The following FAM171A1 variants were observed in gnomAD, a reference collection of about 807,000 sequenced individuals.
FAM171A1 encodes protein FAM171A1.
A neutral mutation model predicts 74.9 loss-of-function variants in FAM171A1; 23 were observed. The observed-to-expected ratio is 0.31, with a 90% CI of 0.22 to 0.44. The LOEUF is 0.44. Among genes scored for constraint, FAM171A1 ranks in the 20% least tolerant of loss-of-function variants. FAM171A1 has a pLI of 1.00. For synonymous variants in FAM171A1, 527 were observed against 505.7 expected (o/e 1.04, Z -0.57); for missense variants, 1,162 against 1,159.2 (o/e 1.00, Z -0.03).
At chr10:15,351,200 G>C (rs762639951) in intron 1 of FAM171A1, among the ~76,000 whole-genome samples, 2 of 152,190 alleles carry the variant, frequency 1.3e-5, no homozygotes, top group Non-Finnish European at 2.9e-5. Flanking sequence ...GACTGTCTGT[G>C]CTCAGTTCAT....
Position 15,312,673 on chromosome 10 carries a change from G to GTTTTTTTTTTTT in FAM171A1, c.98-28580_98-28569dup, listed in dbSNP as rs1169098742. On this transcript the variant is annotated intron_variant, in intron 1 of 7. Coordinates refer to ENST00000378116, the MANE Select transcript of FAM171A1 (RefSeq NM_001010924.2). ...TACTGGAATGAGTTCAGCACTGTGT[G>GTTTTTTTTTTTT]TTTTTTTTTTTTTTTTTTTTTTTTT... Among the ~76,000 whole-genome samples the GTTTTTTTTTTTT allele has an allele frequency of 4.7e-4, 17 of 36,402 alleles. 3 individuals are homozygous for GTTTTTTTTTTTT. The highest frequency in any genetic ancestry group is 1.1e-3 in the East Asian group (1 of 946). The allele number at this position is 36,402 out of a possible 152,430, so 23.9% of individuals were successfully genotyped here. A position where few individuals can be genotyped will look rare whatever the true frequency, so the allele number is the denominator to read the frequency against.
At chr10:15,308,054 C>A (rs1393072294) in intron 1 of FAM171A1, among the ~76,000 whole-genome samples, 3 of 152,018 alleles carry the variant, frequency 2.0e-5, no homozygotes, top group Non-Finnish European at 4.4e-5. Flanking sequence ...TCAAGTAATC[C>A]ACCTCGGCCT....
At chr10:15,256,702 G>A (rs764354976) in intron 3 of FAM171A1, among the ~76,000 whole-genome samples, 30 of 152,168 alleles carry the variant, frequency 2.0e-4, no homozygotes, top group Non-Finnish European at 3.8e-4. Context: ...ATTTTCCCTC[G>A]ATGTTACAGA....
intron 5 of FAM171A1, among the ~76,000 whole-genome samples, chr10:15,245,230 T>C (rs1255524817): frequency 1.3e-5 from 2 of 152,142 alleles, no homozygotes; most frequent in Non-Finnish European, 2.9e-5. Flanking sequence ...CACGCCCAGC[T>C]AATTTTTTGT....
rs144862753 is a variant in FAM171A1, at chr10:15,234,614, C to T, written c.755-13554G>A. Among the ~76,000 whole-genome samples, 784 of 151,934 alleles carry T rather than the reference C, an allele frequency of 5.2e-3. 10 individuals carry two copies. The highest frequency in any genetic ancestry group is 0.018 in the African/African-American group (743 of 41,430). The stretch of plus-strand genomic sequence containing the variant: ...GGGAGGGGAAAAGTAGCCTAGCGAC[C>T]AGTCTGATTGGCTGCAGGAGGGGAC... On this transcript the variant is annotated intron_variant, in intron 5 of 7. Transcript: ENST00000378116.
At chr10:15,278,660 C>G (rs570239652) in intron 2 of FAM171A1, among the ~76,000 whole-genome samples, 1 of 152,104 alleles carries the variant, frequency 6.6e-6, no homozygotes, top group Non-Finnish European at 1.5e-5. Flanking sequence ...CAAAAAGCCA[C>G]GTATTCCAAG....
chr10:15,293,211 G>C (rs536123805), intron 1 of FAM171A1, among the ~76,000 whole-genome samples: 2 of 152,222 alleles, frequency 1.3e-5, no homozygotes, highest in South Asian at 4.2e-4. Context: ...TCTCTAAAAC[G>C]AGTAGGCATT....
At chr10:15,331,283 C>T (rs1263566517) in intron 1 of FAM171A1, among the ~76,000 whole-genome samples, 2 of 152,194 alleles carry the variant, frequency 1.3e-5, no homozygotes, top group African/African-American at 2.4e-5. Context: ...CAACTGCAAA[C>T]GAAGAAGCTG....
intron 1 of FAM171A1, among the ~76,000 whole-genome samples, chr10:15,330,190 A>G (rs1457704166): frequency 6.6e-6 from 1 of 152,022 alleles, no homozygotes; most frequent in Non-Finnish European, 1.5e-5. Context: ...AAAAATACAA[A>G]AATTAGCCTG....
intron 1 of FAM171A1, among the ~76,000 whole-genome samples, chr10:15,327,641 ACT>A (rs1018953228): frequency 1.2e-4 from 18 of 151,396 alleles, no homozygotes; most frequent in African/African-American, 4.4e-4. Context: ...ACAAAACAAG[ACT>A]CTGTCTCTAA....
chr10:15,304,382 A>T (rs1208168950), intron 1 of FAM171A1, among the ~76,000 whole-genome samples: 2 of 152,042 alleles, frequency 1.3e-5, no homozygotes, highest in African/African-American at 4.8e-5. Context: ...GTCAATCCAG[A>T]GCCCACTCCC....
intron 4 of FAM171A1, among the ~76,000 whole-genome samples, chr10:15,254,516 G>T (rs1834550669): frequency 6.6e-6 from 1 of 152,214 alleles, no homozygotes; most frequent in African/African-American, 2.4e-5. Flanking sequence ...AGCTCAAGGA[G>T]ACCAATGTGC....
chr10:15,248,666 C>T lies in FAM171A1; in HGVS notation c.727G>A (p.Ala243Thr), dbSNP rs377172164. The stretch of plus-strand genomic sequence containing the variant: ...AGCTTCTGGTCAAACCGCCACGCCG[C>T]GACATAGGCATTGTGCCTCAGGCTG... ...QSSLRHNAYV[A>T]AWRFDQKLGT... Residue 243 changes from alanine (A) to threonine (T), a missense_variant, in exon 5 of 8, where the codon GCG becomes ACG. Ala to Thr is a moderately conservative substitution (Grantham distance 58). Transcript: ENST00000378116. The T allele has an allele frequency of 9.3e-6, 15 of 1,610,086 alleles. No homozygotes were observed. Among genetic ancestry groups the T allele is most frequent in the Admixed American group, 3.4e-5 (2 of 59,424 alleles).
In FAM171A1 at chr10:15,246,542, G is replaced by A. The variant is rs182436277; in HGVS notation, c.754+2097C>T. Among the ~76,000 whole-genome samples, 14 of 151,766 alleles carry A rather than the reference G, an allele frequency of 9.2e-5. No homozygotes were observed. In the East Asian group the frequency reaches 1.7e-3, roughly 19 times the overall value. On this transcript the variant is annotated intron_variant, in intron 5 of 7. Transcript: ENST00000378116. ...TTGAAAACTGGTATTTTCTTTTTTC[G>A]AGACAGTCTTGCTCTGTCATCCAGG...
At chr10:15,223,430 G>A (rs1374216980) in intron 5 of FAM171A1, among the ~76,000 whole-genome samples, 3 of 152,216 alleles carry the variant, frequency 2.0e-5, no homozygotes, top group Non-Finnish European at 4.4e-5. Context: ...TTGAGTCACT[G>A]CTTGTCAAAC....
At chr10:15,232,174 G>A (rs777834766) in intron 5 of FAM171A1, among the ~76,000 whole-genome samples, 26 of 152,106 alleles carry the variant, frequency 1.7e-4, no homozygotes, top group Admixed American at 1.3e-4. Context: ...TTAGTGACCT[G>A]GCTGGTTCCA....
chr10:15,240,563 G>GA (rs1287687995), intron 5 of FAM171A1, among the ~76,000 whole-genome samples: 1 of 151,922 alleles, frequency 6.6e-6, no homozygotes, highest in African/African-American at 2.4e-5. Flanking sequence ...TGTTCCAAAA[G>GA]AAAAAAATTA....
intron 1 of FAM171A1, among the ~76,000 whole-genome samples, chr10:15,305,175 C>G (rs137891789): frequency 6.6e-6 from 1 of 152,308 alleles, no homozygotes; most frequent in African/African-American, 2.4e-5. Context: ...GAACAAGGTA[C>G]TGGTGCAGAA....
At chr10:15,303,067 T>G (rs1042229319) in intron 1 of FAM171A1, among the ~76,000 whole-genome samples, 2 of 152,046 alleles carry the variant, frequency 1.3e-5, no homozygotes, top group African/African-American at 4.8e-5. Context: ...CGGGTACCTG[T>G]AATCCCAGCT....
Sources: allele counts gnomAD v4.1 joint callset (sites outside exome capture counted in the v4.1 genomes callset), GRCh38; gene constraint gnomAD v4.1.1; transcripts MANE v1.5; gene names NCBI Gene and HGNC (gene_info 2026-07-23, HGNC 2026-07-21).